Variants in SLC2A9 observed in about 807,000 individuals in gnomAD.
The protein encoded by SLC2A9 is solute carrier family 2, facilitated glucose transporter member 9.
A neutral mutation model predicts 50.6 loss-of-function variants in SLC2A9; 39 were observed. The ratio of observed to expected loss-of-function variants is 0.77; its 90% confidence interval spans 0.60 to 1.01. The LOEUF is 1.01. Ranked by LOEUF, SLC2A9 falls within the 50% of genes least tolerant of loss-of-function variation. The pLI is 0.00. For synonymous variants in SLC2A9, 324 were observed against 276.9 expected (o/e 1.17, Z -1.69); for missense variants, 686 against 677.6 (o/e 1.01, Z -0.14).
chr4:9,916,054 G>A (rs888215605), intron 7 of SLC2A9, among the ~76,000 whole-genome samples: 1 of 152,106 alleles, frequency 6.6e-6, no homozygotes, highest in Non-Finnish European at 1.5e-5. Flanking sequence ...CCTTCCCCTT[G>A]TTCCTCCCAG....
chr4:9,935,978 C>T (rs1746999037), intron 6 of SLC2A9, among the ~76,000 whole-genome samples: 1 of 152,200 alleles, frequency 6.6e-6, no homozygotes, highest in Non-Finnish European at 1.5e-5. Context: ...CTGGGAGGCA[C>T]ATCTATGAAT....
chr4:9,908,288 G>C lies in SLC2A9; in HGVS notation c.1060C>G (p.Pro354Ala). ...GKAGIPPAKIPYVTLSTGGIE... is the reference protein window; with the variant it reads ...GKAGIPPAKIAYVTLSTGGIE... ...CCCCCTGTACTCAAGGTGACGTATGGGATCTTTGCCGGAGGGATCCCAGCT... is the reference window on the plus strand; with the variant it reads ...CCCCCTGTACTCAAGGTGACGTATGCGATCTTTGCCGGAGGGATCCCAGCT... The change falls in exon 8 of 12, where the codon CCA (proline) becomes GCA (alanine). Residue 354 changes from proline to alanine, a missense_variant. Coordinates refer to ENST00000264784, the MANE Select transcript of SLC2A9 (RefSeq NM_020041.3). The C allele has an allele frequency of 6.2e-7, 1 of 1,614,094 alleles. No individual in the cohort carries two copies. The highest frequency in any genetic ancestry group is 8.5e-7 in the Non-Finnish European group (1 of 1,179,978).
intron 3 of SLC2A9, among the ~76,000 whole-genome samples, chr4:9,818,092 G>C (rs961931483): frequency 5.9e-5 from 9 of 152,200 alleles, no homozygotes; most frequent in African/African-American, 2.2e-4. Flanking sequence ...CGGAGGCCCA[G>C]CATCTTCAGT....
At chr4:9,847,011 G>A (rs144379491) in intron 10 of SLC2A9, among the ~76,000 whole-genome samples, 7 of 152,282 alleles carry the variant, frequency 4.6e-5, no homozygotes, top group South Asian at 2.1e-4. Flanking sequence ...CAGGTAAGTC[G>A]TATCTCTGGC....
chr4:9,842,840 T>C (rs1343384823), intron 10 of SLC2A9, among the ~76,000 whole-genome samples: 1 of 152,208 alleles, frequency 6.6e-6, no homozygotes, highest in African/African-American at 2.4e-5. Context: ...TATCCTATTC[T>C]GGATTGCCCC....
intron 3 of SLC2A9, among the ~76,000 whole-genome samples, chr4:9,807,437 G>A (rs1010264759): frequency 1.3e-5 from 2 of 152,172 alleles, no homozygotes; most frequent in Non-Finnish European, 2.9e-5. Context: ...TAGGCCAGAT[G>A]CCTCTTGTTT....
intron 3 of SLC2A9, among the ~76,000 whole-genome samples, chr4:9,820,568 T>C (rs962624615): frequency 1.3e-5 from 2 of 152,226 alleles, no homozygotes; most frequent in African/African-American, 4.8e-5. Context: ...ATTCATTCAG[T>C]GAACACAGTG....
chr4:10,000,038 G>T (rs1276768773), intron 2 of SLC2A9, among the ~76,000 whole-genome samples: 1 of 152,222 alleles, frequency 6.6e-6, no homozygotes, highest in Non-Finnish European at 1.5e-5. Flanking sequence ...CAAATGGTCT[G>T]ATGGAAGGAA....
chr4:10,032,457 G>A (rs774928105), intron 1 of SLC2A9, among the ~76,000 whole-genome samples: 1 of 152,184 alleles, frequency 6.6e-6, no homozygotes, highest in East Asian at 1.9e-4. Context: ...AATCTAGATG[G>A]TTTCTATATT....
At chr4:9,953,175 G>A (rs1262104822) in intron 5 of SLC2A9, among the ~76,000 whole-genome samples, 2 of 152,182 alleles carry the variant, frequency 1.3e-5, no homozygotes, top group Admixed American at 1.3e-4. Context: ...GGGCAAAGTG[G>A]GGCAAGCTTA....
intron 5 of SLC2A9, among the ~76,000 whole-genome samples, chr4:9,943,276 A>T (rs554670875): frequency 7.9e-4 from 120 of 152,282 alleles, no homozygotes; most frequent in African/African-American, 2.8e-3. Flanking sequence ...AGCTGGTCCA[A>T]TCATCATCTC....
chr4:9,932,099 A>T (rs554459047), intron 6 of SLC2A9, among the ~76,000 whole-genome samples: 2 of 149,646 alleles, frequency 1.3e-5, no homozygotes, highest in East Asian at 3.9e-4. Flanking sequence ...CAAAGCAATG[A>T]TCTAAAATAT....
intron 1 of SLC2A9, among the ~76,000 whole-genome samples, chr4:9,773,992 C>G (rs1577229689): frequency 7.2e-6 from 1 of 139,780 alleles, no homozygotes; most frequent in Admixed American, 7.2e-5. Flanking sequence ...GAAACTCAGT[C>G]TTTTTTTTTT....
At chr4:9,874,744 C>A (rs560485853) in intron 10 of SLC2A9, among the ~76,000 whole-genome samples, 2 of 152,278 alleles carry the variant, frequency 1.3e-5, no homozygotes, top group South Asian at 4.1e-4. Flanking sequence ...CATGTTCTCA[C>A]AGGTTAGTGT....
At chr4:9,923,902 C>CAT (rs1744407075) in intron 6 of SLC2A9, 1 of 152,144 alleles carries the variant, frequency 6.6e-6, no homozygotes, top group Non-Finnish European at 1.5e-5. Flanking sequence ...TGGCTACTTG[C>CAT]CTCGTTCTTT....
downstream of SLC2A9, among the ~76,000 whole-genome samples, chr4:9,797,622 A>G: frequency 6.6e-6 from 1 of 152,174 alleles, no homozygotes; most frequent in Non-Finnish European, 1.5e-5. Context: ...AACTGCCACC[A>G]ATTCAGTTAA....
At chr4:9,955,161 G>A (rs1022971297) in intron 5 of SLC2A9, among the ~76,000 whole-genome samples, 1 of 152,146 alleles carries the variant, frequency 6.6e-6, no homozygotes, top group African/African-American at 2.4e-5. Context: ...GGAAGAATCA[G>A]GGAGAGGAGA....
At chr4:9,868,323 TG>T (rs1388533751) in intron 10 of SLC2A9, among the ~76,000 whole-genome samples, 1 of 152,220 alleles carries the variant, frequency 6.6e-6, no homozygotes, top group Non-Finnish European at 1.5e-5. Flanking sequence ...TAGTCCACTG[TG>T]GCAGGGCAGG....
At chr4:10,040,195 C>T (rs1216213844) in exon 1 of SLC2A9, 2 of 152,240 alleles carry the variant, frequency 1.3e-5, no homozygotes, top group African/African-American at 2.4e-5. Context: ...TTTCATGCCC[C>T]TCTGGAGTCC....
Sources: allele counts gnomAD v4.1 joint callset (sites outside exome capture counted in the v4.1 genomes callset), GRCh38; gene constraint gnomAD v4.1.1; transcripts MANE v1.5; gene names NCBI Gene and HGNC (gene_info 2026-07-23, HGNC 2026-07-21).